The following CEP72 variants were observed in gnomAD, a reference collection of about 807,000 sequenced individuals.
CEP72 encodes centrosomal protein 72, also known as centrosomal protein of 72 kDa.
CEP72 carries 78 observed loss-of-function variants against 65.7 expected under a neutral mutation model. That is an observed-to-expected ratio of 1.19 (90% CI 0.99 to 1.43). The LOEUF (loss-of-function observed/expected upper bound fraction) is 1.43, where lower values mean the gene tolerates loss of function less well. Among genes scored for constraint, CEP72 ranks in the 40% most tolerant of loss-of-function variants. The pLI, the probability that CEP72 is intolerant of heterozygous loss-of-function variation, is 0.00. For synonymous variants in CEP72, 358 were observed against 351.7 expected, an observed-to-expected ratio of 1.02 and a Z score of -0.20; for missense variants, 914 against 832.9, an observed-to-expected ratio of 1.10 and a Z score of -1.20.
intron 4 of CEP72, among the ~76,000 whole-genome samples, chr5:633,221 T>G (rs1451724219): frequency 2.1e-5 from 2 of 97,260 alleles, no homozygotes; most frequent in African/African-American, 5.2e-5. Flanking sequence ...CTGGTGGGGT[T>G]CTGTCCAGTG....
intron 10 of CEP72, 114 bp downstream of exon 10, chr5:644,539 G>C: frequency 7.9e-7 from 1 of 1,269,528 alleles, no homozygotes; most frequent in Non-Finnish European, 1.1e-6. Flanking sequence ...GACGCAGTTG[G>C]TAAGTGGGGA....
At chr5:670,538 C>G (rs2126881532), downstream of CEP72, among the ~76,000 whole-genome samples, 2 of 152,236 alleles carry the variant, frequency 1.3e-5, no homozygotes, top group South Asian at 4.1e-4. Flanking sequence ...CTGGGAAGGA[C>G]TCCCTGGCTG....
In CEP72 at chr5:633,920, C is replaced by T. The variant is rs767316211; in HGVS notation, c.664C>T (p.Arg222Cys). Residue 222 changes from arginine to cysteine, a missense_variant, in exon 5 of 12, where the codon CGT (arginine) becomes TGT (cysteine). Arg to Cys is a radical substitution (Grantham distance 180). Transcript: ENST00000264935. The stretch of plus-strand genomic sequence containing the variant: ...GAGCACGAGCTTCAGCCAGAAGGGG[C>T]GTGAGGCCGACTCTCGTGGTTCCCA... ...PGSTSFSQKG[R>C]EADSRGSQES... 66 of 1,612,416 alleles carry T rather than the reference C, an allele frequency of 4.1e-5. No homozygotes were observed. The highest frequency in any genetic ancestry group is 5.0e-5 in the Non-Finnish European group (59 of 1,179,998).
chr5:644,084 C>T, intron 9 of CEP72: 1 of 539,416 alleles, frequency 1.9e-6, no homozygotes, highest in South Asian at 2.1e-5. Context: ...CCATCCCTCT[C>T]CTCACTTCCC....
At chr5:658,973 G>A (rs412959), downstream of CEP72, among the ~76,000 whole-genome samples, 5 of 152,146 alleles carry the variant, frequency 3.3e-5, no homozygotes, top group South Asian at 8.3e-4. Flanking sequence ...CGGCCTCAGC[G>A]AAGCTGATTG....
At chr5:641,583 C>T (rs1579996952) in intron 9 of CEP72, 3 of 985,034 alleles carry the variant, frequency 3.0e-6, no homozygotes, top group Non-Finnish European at 3.6e-6. Context: ...GCCCCCCCAC[C>T]CCGCCTGGAA....
intron 1 of CEP72, among the ~76,000 whole-genome samples, chr5:615,533 G>C (rs942322309): frequency 2.0e-5 from 3 of 151,998 alleles, no homozygotes; most frequent in Non-Finnish European, 2.9e-5. Flanking sequence ...TTTGCATGGC[G>C]TATCTTTTCC....
chr5:637,905 C>G (rs1737725370), intron 7 of CEP72, 87 bp downstream of exon 7: 2 of 1,265,192 alleles, frequency 1.6e-6, no homozygotes, highest in African/African-American at 3.0e-5. Context: ...CGTGATTACG[C>G]CTGCGGCACT....
In CEP72 at chr5:645,098, T is replaced by C. The variant is rs1005957592; in HGVS notation, c.1666+673T>C. 1.4e-4 allele frequency among the ~76,000 whole-genome samples: 21 copies of C among 152,232 alleles called. No individual in the cohort carries two copies. The highest frequency in any genetic ancestry group is 3.4e-3 in the Middle Eastern group (1 of 294). The stretch of plus-strand genomic sequence containing the variant: ...TTCCCTGAGATTGACAAGTCGAGCA[T>C]CTCTTCCTGGTCTAGCCTCTCAGGG... On this transcript the variant is annotated intron_variant, in intron 10 of 11. Transcript: ENST00000264935. The surrounding 1 kb of genome is among the most constrained non-coding windows in gnomAD (Gnocchi z 4.0).
chr5:616,995 A>T (rs1304790794), intron 1 of CEP72, among the ~76,000 whole-genome samples: 2 of 150,408 alleles, frequency 1.3e-5, no homozygotes, highest in African/African-American at 4.9e-5. Flanking sequence ...TGATGTGAAC[A>T]GTGTGTGTGG....
downstream of CEP72, among the ~76,000 whole-genome samples, chr5:668,385 T>C (rs11738955): frequency 4.0e-3 from 180 of 45,542 alleles, no homozygotes; most frequent in Admixed American, 6.2e-3. Context: ...CGCGTGGGCC[T>C]CGTCAGGGAA....
chr5:625,791 T>C (rs570769531), intron 4 of CEP72, among the ~76,000 whole-genome samples: 3 of 152,140 alleles, frequency 2.0e-5, no homozygotes, highest in South Asian at 4.1e-4. Flanking sequence ...CTGGCGTTGT[T>C]TGTCTCGGAG....
downstream of CEP72, among the ~76,000 whole-genome samples, chr5:654,820 A>G (rs949967514): frequency 8.2e-6 from 1 of 122,346 alleles, no homozygotes; most frequent in African/African-American, 2.6e-5. Flanking sequence ...TTCTTGTCTG[A>G]CCCCGTCTCT....
chr5:664,847 GGAAATGGCTGAGGACGAGGCAGGT>G, intron 2 of CEP72: 1 of 513,838 alleles, frequency 1.9e-6, no homozygotes, highest in South Asian at 2.5e-5. Flanking sequence ...GAGACACTTT[GGAAATGGCTGAGGACGAGGCAGGT>G]GTATTAGGAG....
At chr5:649,640 T>C (rs1466248394) in intron 11 of CEP72, among the ~76,000 whole-genome samples, 11 of 92,956 alleles carry the variant, frequency 1.2e-4, no homozygotes, top group African/African-American at 4.2e-4. Flanking sequence ...GAGGTGTGAC[T>C]GTGAGGTGTG....
intron 1 of CEP72, chr5:663,322 C>A (rs974607841): frequency 2.0e-5 from 3 of 152,456 alleles, no homozygotes; most frequent in African/African-American, 7.2e-5. Context: ...CAGGGCTGGG[C>A]TTGGGCACCC....
chr5:648,715 T>G lies in CEP72; in HGVS notation c.1778+799T>G, dbSNP rs1355792007. On this transcript the variant is annotated intron_variant, in intron 11 of 11. Transcript: ENST00000264935. Reference sequence around the variant, plus strand: ...GTGAGGCGTGAATGTGAGGCGTGACTGTGAGGCGTGACTGTGAGGCATGAC... The same window carrying G: ...GTGAGGCGTGAATGTGAGGCGTGACGGTGAGGCGTGACTGTGAGGCATGAC... 1.6e-5 allele frequency among the ~76,000 whole-genome samples: 2 copies of G among 125,212 alleles called. 1 individual carries two copies. The highest frequency in any genetic ancestry group is 1.7e-4 in the Admixed American group (2 of 12,078). The allele number at this position is 125,212 out of a possible 152,430, so 82.1% of individuals were successfully genotyped here.
intron 11 of CEP72, among the ~76,000 whole-genome samples, chr5:651,062 A>G (rs2126827122): frequency 1.5e-5 from 1 of 65,274 alleles, no homozygotes; most frequent in Non-Finnish European, 2.7e-5. Context: ...TGAGGTGTGG[A>G]CTGTGAGGTG....
At chr5:649,701 C>T (rs62650524) in intron 11 of CEP72, among the ~76,000 whole-genome samples, 4 of 13,298 alleles carry the variant, frequency 3.0e-4, no homozygotes, top group East Asian at 1.8e-3. Flanking sequence ...GACTGTGAGG[C>T]GTGGACTGTG....
Sources: gnomAD v4.1 joint callset for allele counts (sites outside exome capture counted in the v4.1 genomes callset) on GRCh38, gnomAD v4.1.1 for gene constraint, Gnocchi (gnomAD v3.1) non-coding constraint, MANE v1.5 for transcripts, NCBI Gene and HGNC (gene_info 2026-07-23, HGNC 2026-07-21) for gene names.